Variants in BRAF observed in about 807,000 individuals in gnomAD.
BRAF encodes the protein B-Raf proto-oncogene, serine/threonine kinase.
Under a neutral mutation model 104.6 loss-of-function variants are expected in BRAF, and 16 were observed. That is an observed-to-expected ratio of 0.15 (90% confidence interval 0.10 to 0.23). The LOEUF (loss-of-function observed/expected upper bound fraction) is 0.23, where lower values mean the gene tolerates loss of function less well. BRAF is among the 10% of genes least tolerant of loss of function. The pLI is 1.00. For missense variants in BRAF, 541 were observed against 937.3 expected (o/e 0.58, Z 5.52); for synonymous variants, 310 against 341.6 (o/e 0.91, Z 1.02).
In BRAF at chr7:140,722,053, C is replaced by A; in HGVS notation, c.*4441G>T. On this transcript the variant is annotated 3_prime_UTR_variant, in exon 20 of 20. Transcript: ENST00000644969. ...CTGCCCATCATACAGTACTTCAACC[C>A]TAAACTACAGCAATTTCTGTCAACA... is the stretch of plus-strand genomic sequence containing the variant. The A allele has an allele frequency of 9.0e-7, 1 of 1,105,470 alleles. No homozygotes were observed. The highest frequency in any genetic ancestry group is 5.0e-5 in the Admixed American group (1 of 19,822). The allele number at this position is 1,105,470 out of a possible 1,614,324, so 68.5% of individuals were successfully genotyped here.
chr7:140,792,565 C>T (rs1191644062), intron 8 of BRAF, among the ~76,000 whole-genome samples: 1 of 152,182 alleles, frequency 6.6e-6, no homozygotes, highest in African/African-American at 2.4e-5. Context: ...TGTACTCCTA[C>T]TTATTCACCA....
At chr7:140,780,199 C>G (rs937000481) in intron 12 of BRAF, among the ~76,000 whole-genome samples, 13 of 150,796 alleles carry the variant, frequency 8.6e-5, no homozygotes, top group African/African-American at 3.2e-4. Context: ...TATTTATGAA[C>G]ACCTGTGAAA....
chr7:140,752,152 A>C (rs957213471), intron 16 of BRAF, among the ~76,000 whole-genome samples: 1 of 152,222 alleles, frequency 6.6e-6, no homozygotes, highest in Non-Finnish European at 1.5e-5. Context: ...TTAATGAAAA[A>C]TAACTATTAT....
rs1563220103 is a variant in BRAF at position 140,719,510 on chromosome 7, CAA to C, written c.*6982_*6983del. 2.9e-6 allele frequency: 3 copies of C among 1,033,258 alleles called. No individual in the cohort carries two copies. Among genetic ancestry groups the C allele is most frequent in the African/African-American group, 3.3e-5 (2 of 59,738 alleles). The allele number at this position is 1,033,258 out of a possible 1,614,324, so 64.0% of individuals were successfully genotyped here. A position where few individuals can be genotyped will look rare whatever the true frequency, so the allele number is the denominator to read the frequency against. On this transcript the variant is annotated 3_prime_UTR_variant, in exon 20 of 20. Transcript: ENST00000644969. ...CTCCATGCTTTCTATCCAAACTGAA[CAA>C]TATTTTCTGTTATACAAATTTACAT...
intron 12 of BRAF, among the ~76,000 whole-genome samples, chr7:140,779,305 T>C (rs1379475418): frequency 6.6e-6 from 1 of 152,152 alleles, no homozygotes; most frequent in Non-Finnish European, 1.5e-5. Flanking sequence ...GGTGTGATCA[T>C]GGCTCACTGC....
intron 1 of BRAF, among the ~76,000 whole-genome samples, chr7:140,871,139 G>T (rs1038721356): frequency 1.4e-5 from 2 of 146,072 alleles, no homozygotes; most frequent in African/African-American, 2.4e-5. Context: ...GTACTCGGGA[G>T]GGTGACGCGG....
intron 14 of BRAF, among the ~76,000 whole-genome samples, chr7:140,755,477 A>G (rs1798129385): frequency 6.6e-6 from 1 of 152,206 alleles, no homozygotes; most frequent in African/African-American, 2.4e-5. Flanking sequence ...TCTTCCCAAT[A>G]TCAAAAATTT....
intron 14 of BRAF, among the ~76,000 whole-genome samples, chr7:140,761,628 T>C (rs1798748341): frequency 6.6e-6 from 1 of 152,254 alleles, no homozygotes; most frequent in East Asian, 1.9e-4. Context: ...ATCAGTGTGC[T>C]GCATACAGGA....
At chr7:140,737,659 T>C (rs905318913) in intron 18 of BRAF, among the ~76,000 whole-genome samples, 1 of 152,322 alleles carries the variant, frequency 6.6e-6, no homozygotes, top group African/African-American at 2.4e-5. Flanking sequence ...CTGCTAATTT[T>C]TTCCTTCTGA....
chr7:140,740,117 C>T, intron 17 of BRAF, 171 bp from the exon 17 acceptor site: 2 of 670,626 alleles, frequency 3.0e-6, no homozygotes, highest in Non-Finnish European at 4.9e-6. Context: ...GGTGGGAAAC[C>T]CACAAAAGGA....
chr7:140,760,578 A>C (rs973694835), intron 14 of BRAF, among the ~76,000 whole-genome samples: 3 of 152,158 alleles, frequency 2.0e-5, no homozygotes, highest in Non-Finnish European at 4.4e-5. Flanking sequence ...GAATGAGGTA[A>C]TAACTGAAGA....
At chr7:140,840,209 G>A (rs1439811947) in intron 2 of BRAF, among the ~76,000 whole-genome samples, 7 of 152,076 alleles carry the variant, frequency 4.6e-5, no homozygotes, top group Admixed American at 4.6e-4. Context: ...AACCTGTTTT[G>A]GCTATATAAC....
chr7:140,781,476 G>C, intron 12 of BRAF, 100 bp downstream of exon 11: 1 of 1,154,608 alleles, frequency 8.7e-7, no homozygotes, highest in Non-Finnish European at 1.3e-6. Flanking sequence ...TTATTGATGC[G>C]AACAGTGAAT....
chr7:140,748,888 G>A (rs1797563190), intron 17 of BRAF: 1 of 154,992 alleles, frequency 6.5e-6, no homozygotes. Flanking sequence ...AGAAACCTTA[G>A]TAATTTTAAA....
intron 1 of BRAF, among the ~76,000 whole-genome samples, chr7:140,898,485 C>G (rs1815214563): frequency 6.6e-6 from 1 of 152,016 alleles, no homozygotes; most frequent in African/African-American, 2.4e-5. Context: ...AGAAAAAACC[C>G]AAAGGCTAAC....
rs763267814 is a variant in BRAF, at chr7:140,778,093, C to T, written c.1553-18G>A. On this transcript the variant is annotated intron_variant, in intron 12 of 19. Transcript: ENST00000644969. Reference sequence around the variant, plus strand: ...CACATCACCTAAAAGGCAATTGTTACTCCAAGTGTCATTTCAATTTTTAAA... The same window carrying T: ...CACATCACCTAAAAGGCAATTGTTATTCCAAGTGTCATTTCAATTTTTAAA... The T allele has an allele frequency of 8.1e-6, 13 of 1,611,574 alleles. No individual in the cohort carries two copies. In the Admixed American group the frequency reaches 1.0e-4, roughly 12 times the overall value.
intron 1 of BRAF, among the ~76,000 whole-genome samples, chr7:140,914,797 T>C (rs879782312): frequency 1.4e-4 from 21 of 151,990 alleles, no homozygotes; most frequent in Admixed American, 3.3e-4. Flanking sequence ...CCCAGCACTT[T>C]GGGAGGCTGA....
At chr7:140,911,499 C>G (rs1300483204) in intron 1 of BRAF, among the ~76,000 whole-genome samples, 1 of 152,078 alleles carries the variant, frequency 6.6e-6, no homozygotes, top group Non-Finnish European at 1.5e-5. Context: ...TGGGATTCTA[C>G]AAAAGCACAA....
chr7:140,750,765 A>G (rs1403395921), intron 16 of BRAF, among the ~76,000 whole-genome samples: 1 of 150,922 alleles, frequency 6.6e-6, no homozygotes, highest in Non-Finnish European at 1.5e-5. Flanking sequence ...TTTTTGTGAG[A>G]GATGGAGTAG....
Sources: gnomAD v4.1 joint callset for allele counts (sites outside exome capture counted in the v4.1 genomes callset) on GRCh38, gnomAD v4.1.1 for gene constraint, MANE v1.5 for transcripts, NCBI Gene and HGNC (gene_info 2026-07-23, HGNC 2026-07-21) for gene names.